The following HMCN1 variants were observed in gnomAD, a reference collection of about 807,000 sequenced individuals.
The protein encoded by HMCN1 is hemicentin 1, also known as hemicentin-1.
HMCN1 carries 321 observed loss-of-function variants against 625.9 expected under a neutral mutation model. That is an observed-to-expected ratio of 0.51 (90% confidence interval 0.47 to 0.56). HMCN1 has a LOEUF of 0.56. Among genes scored for constraint, HMCN1 ranks in the 20% least tolerant of loss-of-function variants. HMCN1 has a pLI of 0.00. For missense variants in HMCN1, 6,588 were observed against 6,887.3 expected, an observed-to-expected ratio of 0.96 and a Z score of 1.54; for synonymous variants, 2,425 against 2,417.6, an observed-to-expected ratio of 1.00 and a Z score of -0.09.
intron 68 of HMCN1, among the ~76,000 whole-genome samples, chr1:186,096,138 GAAGT>G (rs1660126204): frequency 1.3e-5 from 2 of 152,236 alleles, no homozygotes; most frequent in Admixed American, 1.3e-4. Flanking sequence ...TTCTCACTGT[GAAGT>G]AAGTGAGACT....
At chr1:185,741,194 T>TGGA (rs1653971978) in intron 1 of HMCN1, among the ~76,000 whole-genome samples, 1 of 152,096 alleles carries the variant, frequency 6.6e-6, no homozygotes, top group African/African-American at 2.4e-5. Flanking sequence ...GTCACCAGAA[T>TGGA]CATACGCCCA....
chr1:185,929,346 G>A (rs181289142), intron 10 of HMCN1, among the ~76,000 whole-genome samples: 55 of 152,158 alleles, frequency 3.6e-4, no homozygotes, highest in Admixed American at 3.2e-3. Flanking sequence ...ATAGATGGGA[G>A]ATATAGTTCA....
rs1033280778 is a variant in HMCN1 at position 186,130,633 on chromosome 1, A to G, written c.13166A>G (p.Asp4389Gly). ...ATCCAGTGGAACAGAAAGGGAGTGG[A>G]TATTGAAATTAGCCACAGAATCCGG... The part of the protein sequence containing the change: ...PTIQWNRKGV[D>G]IEISHRIRQL... The change falls in exon 85 of 107, where the codon GAT becomes GGT. Residue 4389 changes from aspartate (D) to glycine (G), a missense_variant. This residue lies in a region of HMCN1 where 1,954 missense variants were observed against 2,013.1 expected (regional missense o/e 0.97). Coordinates refer to ENST00000271588, the MANE Select transcript of HMCN1 (RefSeq NM_031935.3). 1 of 1,613,578 alleles carries G rather than the reference A, an allele frequency of 6.2e-7. No homozygotes were observed. Among genetic ancestry groups the G allele is most frequent in the Non-Finnish European group, 8.5e-7 (1 of 1,179,664 alleles).
chr1:185,888,497 G>A (rs1337697146), intron 4 of HMCN1, among the ~76,000 whole-genome samples: 1 of 142,766 alleles, frequency 7.0e-6, no homozygotes, highest in African/African-American at 2.9e-5. Context: ...AAGGTGTAAG[G>A]AAGGGATCCA....
At position 186,076,542 on chromosome 1, in the gene HMCN1, A is replaced by G. The variant is rs1354085317; in HGVS notation, c.8405A>G (p.Asn2802Ser). The G allele has an allele frequency of 2.5e-6, 4 of 1,613,872 alleles. No homozygotes were observed. Among genetic ancestry groups the G allele is most frequent in the East Asian group, 2.2e-5 (1 of 44,848 alleles). Residue 2802 changes from asparagine (N) to serine (S), a missense_variant, in exon 54 of 107, where the codon AAT (asparagine) becomes AGT (serine). This residue lies in a region of HMCN1 where 4,628 missense variants were observed against 4,853.1 expected (regional missense o/e 0.95). Coordinates refer to ENST00000271588, the MANE Select transcript of HMCN1 (RefSeq NM_031935.3). ...CCCATTTCTCTTTACTGTGAGACAA[A>G]TGCTGCTCCCCCTCCTACACTGACA... ...NNPISLYCET[N>S]AAPPPTLTWY...
rs1304690074 is a variant in HMCN1, at chr1:185,968,178, G to A, written c.2213-2157G>A. 3.9e-5 allele frequency among the ~76,000 whole-genome samples: 6 copies of A among 152,092 alleles called. No individual in the cohort carries two copies. In the South Asian group the frequency reaches 6.2e-4, roughly 16 times the overall value. ...ATTATTTTCATAATAATACTAAGAT[G>A]TTGCCTTTTTCATTCTTATTATCTC... is the stretch of plus-strand genomic sequence containing the variant. On this transcript the variant is annotated intron_variant, in intron 14 of 106. Transcript: ENST00000271588.
At chr1:186,118,212 T>C (rs912241990) in intron 77 of HMCN1, among the ~76,000 whole-genome samples, 1 of 152,080 alleles carries the variant, frequency 6.6e-6, no homozygotes, top group Admixed American at 6.6e-5. Context: ...CACGTTGGTG[T>C]TTCTAAAACT....
intron 38 of HMCN1, 91 bp downstream of exon 38, chr1:186,039,096 C>T: frequency 1.1e-6 from 1 of 889,040 alleles, no homozygotes; most frequent in Non-Finnish European, 1.9e-6. Context: ...AAGTATTTAA[C>T]AGAATGTGTT....
chr1:185,823,470 G>A (rs1187457032), intron 1 of HMCN1, among the ~76,000 whole-genome samples: 1 of 152,072 alleles, frequency 6.6e-6, no homozygotes, highest in African/African-American at 2.4e-5. Context: ...AATACTGACA[G>A]ATTTTTTTTG....
At chr1:186,052,381 A>G (rs1445545976) in intron 42 of HMCN1, among the ~76,000 whole-genome samples, 2 of 152,038 alleles carry the variant, frequency 1.3e-5, no homozygotes, top group African/African-American at 2.4e-5. Flanking sequence ...CGCCTTTGAG[A>G]AAATCATGGG....
Position 186,182,750 on chromosome 1 carries a change from T to C in HMCN1, c.16414+463T>C, listed in dbSNP as rs999361052. 3.9e-5 allele frequency among the ~76,000 whole-genome samples: 6 copies of C among 152,320 alleles called. No individual in the cohort carries two copies. The South Asian group carries it at 1.2e-3, about 32-fold the overall frequency. ...ATTCATTCATTCGTTGAGTCTACAT[T>C]GATGTGGAACAATTATGTGCTAGCA... On this transcript the variant is annotated intron_variant, in intron 105 of 106. Transcript: ENST00000271588.
At chr1:185,843,602 T>G (rs541078500) in intron 1 of HMCN1, among the ~76,000 whole-genome samples, 1 of 152,202 alleles carries the variant, frequency 6.6e-6, no homozygotes, top group South Asian at 2.1e-4. Context: ...AAAGAAAGAC[T>G]GGAATGGAAG....
At chr1:185,941,766 T>G (rs1391142723) in intron 11 of HMCN1, among the ~76,000 whole-genome samples, 1 of 152,226 alleles carries the variant, frequency 6.6e-6, no homozygotes, top group Admixed American at 6.5e-5. Flanking sequence ...CTGTGTACTA[T>G]AAAGATGTTA....
intron 1 of HMCN1, among the ~76,000 whole-genome samples, chr1:185,825,357 A>T (rs1013170110): frequency 2.0e-5 from 3 of 152,190 alleles, no homozygotes; most frequent in Non-Finnish European, 2.9e-5. Flanking sequence ...GGTAACTTTT[A>T]AAAAATTTAA....
At chr1:185,783,526 G>A (rs1362550924) in intron 1 of HMCN1, among the ~76,000 whole-genome samples, 2 of 152,136 alleles carry the variant, frequency 1.3e-5, no homozygotes, top group East Asian at 1.9e-4. Context: ...GGGTTTTGGT[G>A]TGGATGTCCT....
In HMCN1 at chr1:185,933,952, G is replaced by C; in HGVS notation, c.1828+128G>C. 7 of 844,538 alleles carry C rather than the reference G, an allele frequency of 8.3e-6. 1 individual carries two copies. The highest frequency in any genetic ancestry group is 5.3e-5 in the Admixed American group (3 of 57,110). The allele number at this position is 844,538 out of a possible 1,614,324, so 52.3% of individuals were successfully genotyped here. A position where few individuals can be genotyped will look rare whatever the true frequency, so the allele number is the denominator to read the frequency against. ...CAAATAATTACAGTTTTAAGTGATA[G>C]AATGCTTAACATACTCAGTGGTCTA... is the stretch of plus-strand genomic sequence containing the variant. On this transcript the variant is annotated intron_variant, in intron 11 of 106. Coordinates refer to ENST00000271588, the MANE Select transcript of HMCN1 (RefSeq NM_031935.3).
chr1:185,816,505 A>T (rs1037644464), intron 1 of HMCN1, among the ~76,000 whole-genome samples: 1 of 152,222 alleles, frequency 6.6e-6, no homozygotes, highest in African/African-American at 2.4e-5. Flanking sequence ...CAATTTATTT[A>T]TATCCACCAT....
intron 1 of HMCN1, among the ~76,000 whole-genome samples, chr1:185,737,224 G>A (rs918349924): frequency 3.3e-5 from 5 of 151,372 alleles, no homozygotes; most frequent in African/African-American, 1.2e-4. Context: ...GCACTATCAT[G>A]GCTCACTGCA....
intron 6 of HMCN1, among the ~76,000 whole-genome samples, chr1:185,919,621 C>A (rs1017982048): frequency 6.6e-6 from 1 of 152,114 alleles, no homozygotes; most frequent in African/African-American, 2.4e-5. Context: ...TTGTGTAAAG[C>A]AGTTCAGCAT....
Sources: gnomAD v4.1 joint callset for allele counts (sites outside exome capture counted in the v4.1 genomes callset) on GRCh38, gnomAD v4.1.1 for gene constraint, gnomAD v4.1.1 regional missense constraint, MANE v1.5 for transcripts, NCBI Gene and HGNC (gene_info 2026-07-23, HGNC 2026-07-21) for gene names.